SIPA1L3: variants seen among roughly 807,000 people sequenced by gnomAD.
SIPA1L3 encodes signal-induced proliferation-associated 1-like protein 3.
Under a neutral mutation model 150.1 loss-of-function variants are expected in SIPA1L3, and 59 were observed. The observed-to-expected ratio is 0.39, with a 90% CI of 0.32 to 0.49. The LOEUF is 0.49. Among genes scored for constraint, SIPA1L3 ranks in the 20% least tolerant of loss-of-function variants. The pLI is 0.86. For missense variants in SIPA1L3, 2,211 were observed against 2,489.5 expected (o/e 0.89, Z 2.38); for synonymous variants, 1,070 against 1,077.6 (o/e 0.99, Z 0.14).
chr19:37,964,759 A>C (rs1284664967), intron 1 of SIPA1L3: 2 of 152,164 alleles, frequency 1.3e-5, no homozygotes, highest in African/African-American at 4.8e-5. Flanking sequence ...CAGCCTCCCA[A>C]AGTGCTGGGA....
chr19:37,960,640 C>T, intron 1 of SIPA1L3, among the ~76,000 whole-genome samples: 1 of 151,882 alleles, frequency 6.6e-6, no homozygotes, highest in Non-Finnish European at 1.5e-5. Flanking sequence ...ATCTCCTGAC[C>T]TTGCAATCCG....
chr19:38,124,707 G>A (rs1216863232), intron 9 of SIPA1L3, among the ~76,000 whole-genome samples: 4 of 152,328 alleles, frequency 2.6e-5, no homozygotes, highest in Admixed American at 6.5e-5. Context: ...TCCAGCCTGG[G>A]CACCATTGAG....
At position 37,960,873 on chromosome 19, in the gene SIPA1L3, T is replaced by C. The variant is rs535305719; in HGVS notation, c.-379+53515T>C. Among the ~76,000 whole-genome samples the C allele has an allele frequency of 1.1e-3, 164 of 149,566 alleles. 2 individuals carry two copies. The highest frequency in any genetic ancestry group is 3.5e-3 in the African/African-American group (142 of 40,662). On this transcript the variant is annotated intron_variant, in intron 1 of 21. Coordinates refer to ENST00000222345, the MANE Select transcript of SIPA1L3 (RefSeq NM_015073.3). ...CCAGCCAATTTTAAAAAAAAATATA[T>C]TTTTTTTTGTTTTGAGACAGAGTCT...
chr19:37,955,208 AT>A (rs1483929394), intron 1 of SIPA1L3, among the ~76,000 whole-genome samples: 1 of 151,876 alleles, frequency 6.6e-6, no homozygotes, highest in Non-Finnish European at 1.5e-5. Context: ...CCTGACCAAC[AT>A]GGAGAAACCC....
intron 2 of SIPA1L3, among the ~76,000 whole-genome samples, chr19:38,044,491 A>G (rs938166909): frequency 6.6e-6 from 1 of 152,092 alleles, no homozygotes; most frequent in Non-Finnish European, 1.5e-5. Context: ...GGACCCCTGC[A>G]GTGAGGCAGG....
At chr19:38,143,578 C>T (rs1395801237) in intron 12 of SIPA1L3, among the ~76,000 whole-genome samples, 2 of 119,204 alleles carry the variant, frequency 1.7e-5, no homozygotes, top group African/African-American at 6.9e-5. Flanking sequence ...ACCACTCTGT[C>T]GCCAGACTGG....
intron 7 of SIPA1L3, 94 bp from the exon 8 acceptor site, chr19:38,110,133 G>T: frequency 8.1e-7 from 1 of 1,240,408 alleles, no homozygotes; most frequent in Non-Finnish European, 1.2e-6. Flanking sequence ...AGTGGGAATG[G>T]GGGTGGGTGG....
At position 38,130,582 on chromosome 19, in the gene SIPA1L3, G is replaced by C. The variant is rs764663824; in HGVS notation, c.2953G>C (p.Gly985Arg). Residue 985 changes from glycine to arginine, a missense_variant, in exon 10 of 22, where the codon GGC becomes CGC. By Grantham distance (125) the Gly-to-Arg change is moderately radical. Coordinates refer to ENST00000222345, the MANE Select transcript of SIPA1L3 (RefSeq NM_015073.3). ...GQLGFHVKYD[G>R]TVAEVEDYGF... ...GCTGGGCTTCCACGTGAAGTACGAC[G>C]GCACGGTGGCCGAGGTTGAGGACTA... 2.5e-6 allele frequency: 4 copies of C among 1,613,836 alleles called. No individual in the cohort carries two copies. The highest frequency in any genetic ancestry group is 3.3e-5 in the Admixed American group (2 of 60,026).
intron 1 of SIPA1L3, among the ~76,000 whole-genome samples, chr19:37,925,644 A>G (rs1599799791): frequency 8.0e-6 from 1 of 125,124 alleles, no homozygotes; most frequent in Non-Finnish European, 1.6e-5. Flanking sequence ...GCCAGGCTGG[A>G]GTGCAATGGC....
At chr19:38,045,053 T>C (rs924586175) in intron 2 of SIPA1L3, among the ~76,000 whole-genome samples, 1 of 152,186 alleles carries the variant, frequency 6.6e-6, no homozygotes, top group Non-Finnish European at 1.5e-5. Flanking sequence ...TCTGGCTTCA[T>C]GGCCCTCACC....
chr19:38,154,822 C>T (rs975058681), intron 13 of SIPA1L3, among the ~76,000 whole-genome samples: 6 of 148,092 alleles, frequency 4.1e-5, no homozygotes, highest in African/African-American at 1.5e-4. Flanking sequence ...AGTGCAGTGG[C>T]GTAATCTCAG....
At chr19:37,968,063 C>T (rs200797454) in intron 1 of SIPA1L3, among the ~76,000 whole-genome samples, 1 of 143,570 alleles carries the variant, frequency 7.0e-6, no homozygotes, top group East Asian at 2.4e-4. Context: ...ATGGCCTCAT[C>T]TCTTTCTTTC....
chr19:38,167,075 A>G (rs987078408), intron 15 of SIPA1L3, among the ~76,000 whole-genome samples: 2 of 152,062 alleles, frequency 1.3e-5, no homozygotes, highest in African/African-American at 2.4e-5. Flanking sequence ...TCTACTGAAA[A>G]TACAAAAATT....
At chr19:38,030,638 ATATATATATATATG>A (rs1181551591) in intron 2 of SIPA1L3, among the ~76,000 whole-genome samples, 5 of 62,228 alleles carry the variant, frequency 8.0e-5, no homozygotes, top group South Asian at 1.2e-3. Context: ...ATATATATAT[ATATATATATATATG>A]GCAAATACTT....
At chr19:38,024,059 G>A (rs1216001254) in intron 1 of SIPA1L3, among the ~76,000 whole-genome samples, 5 of 152,138 alleles carry the variant, frequency 3.3e-5, no homozygotes, top group African/African-American at 1.2e-4. Flanking sequence ...AGAGGTATGA[G>A]CGGATGATCC....
chr19:38,051,315 A>G (rs1158955094), intron 2 of SIPA1L3, among the ~76,000 whole-genome samples: 1 of 152,148 alleles, frequency 6.6e-6, no homozygotes, highest in South Asian at 2.1e-4. Flanking sequence ...TCATATGGAC[A>G]TATCAAAATG....
chr19:38,161,380 CAAA>C, intron 13 of SIPA1L3, among the ~76,000 whole-genome samples: 1 of 146,838 alleles, frequency 6.8e-6, no homozygotes, highest in Non-Finnish European at 1.5e-5. Flanking sequence ...ATACAACCAA[CAAA>C]GGATTGCTAC....
chr19:37,984,431 G>A (rs1299377503), intron 1 of SIPA1L3, among the ~76,000 whole-genome samples: 1 of 152,046 alleles, frequency 6.6e-6, no homozygotes, highest in East Asian at 1.9e-4. Flanking sequence ...GCATCTCAAT[G>A]CTGAAAGCTC....
At chr19:38,054,812 A>G (rs1969280989) in intron 2 of SIPA1L3, among the ~76,000 whole-genome samples, 1 of 152,208 alleles carries the variant, frequency 6.6e-6, no homozygotes, top group African/African-American at 2.4e-5. Flanking sequence ...TTCCAGGGGC[A>G]TCACACGACC....
Sources: gnomAD v4.1 joint callset for allele counts (sites outside exome capture counted in the v4.1 genomes callset) on GRCh38, gnomAD v4.1.1 for gene constraint, MANE v1.5 for transcripts, NCBI Gene and HGNC (gene_info 2026-07-23, HGNC 2026-07-21) for gene names.